The following GSG1L2 variants were observed in gnomAD, a reference collection of about 807,000 sequenced individuals.
The protein encoded by GSG1L2 is GSG1 like 2, also known as germ cell-specific gene 1-like protein 2.
Under a neutral mutation model 9.0 loss-of-function variants are expected in GSG1L2, and 15 were observed. The ratio of observed to expected loss-of-function variants is 1.67; its 90% confidence interval spans 1.12 to 2.57. The LOEUF is 2.57. Ranked by LOEUF, GSG1L2 falls within the 30% of genes most tolerant of loss-of-function variation. The pLI is 0.00. For synonymous variants in GSG1L2, 127 were observed against 57.9 expected (o/e 2.19, Z -5.41); for missense variants, 286 against 150.3 (o/e 1.90, Z -4.72).
intron 1 of GSG1L2, among the ~76,000 whole-genome samples, chr17:9,816,522 C>CTGTGTGTTTGTGTG (rs1491196761): frequency 0.38 from 53,324 of 140,056 alleles, 10,325 homozygotes; most frequent in East Asian, 0.79. Flanking sequence ...GTGTGCGTGT[C>CTGTGTGTTTGTGTG]TGTGTCTCTG....
chr17:9,813,460 C>T (rs942636061), intron 1 of GSG1L2, among the ~76,000 whole-genome samples: 2 of 152,228 alleles, frequency 1.3e-5, no homozygotes, highest in African/African-American at 4.8e-5. Context: ...CCTGTCAGTC[C>T]ATGGGCAGCC....
chr17:9,813,031 G>T lies in GSG1L2; in HGVS notation c.311-2413C>A, dbSNP rs368830101. Reference sequence around the variant, plus strand: ...CTCATGACCTAATCACCACGCAAAGGCCCCCACCTCCTAATACCATTACAT... The same window carrying T: ...CTCATGACCTAATCACCACGCAAAGTCCCCCACCTCCTAATACCATTACAT... On this transcript the variant is annotated intron_variant, in intron 1 of 4. Coordinates refer to ENST00000399363, the MANE Select transcript of GSG1L2 (RefSeq NM_001310219.2). Among the ~76,000 whole-genome samples the T allele has an allele frequency of 5.1e-4, 78 of 152,188 alleles. 1 individual carries two copies. In the South Asian group the frequency reaches 0.015, roughly 28 times the overall value.
In GSG1L2 at chr17:9,802,532, G is replaced by C; in HGVS notation, c.736C>G (p.Arg246Gly). The change falls in exon 5 of 5, where the codon CGG becomes GGG. Residue 246 changes from arginine (R) to glycine (G), a missense_variant. By Grantham distance (125) the Arg-to-Gly change is moderately radical (BLOSUM62 -2). Transcript: ENST00000399363. ...TCCAGGAAGCTGTGTTGAGAGTGCCGACTGCCGTTCTGTGCCTGCTGCTTC... is the reference window on the plus strand; with the variant it reads ...TCCAGGAAGCTGTGTTGAGAGTGCCCACTGCCGTTCTGTGCCTGCTGCTTC... Reference protein sequence around the residue: ...TEKQQAQNGSRHSQHSFLEPE... With the variant: ...TEKQQAQNGSGHSQHSFLEPE... 7.1e-6 allele frequency: 5 copies of C among 702,590 alleles called. No homozygotes were observed. The highest frequency in any genetic ancestry group is 1.0e-5 in the Non-Finnish European group (4 of 384,922). 43.5% of individuals were successfully genotyped at this position (702,590 alleles called of 1,614,324 possible). A position where few individuals can be genotyped will look rare whatever the true frequency, so the allele number is the denominator to read the frequency against.
At chr17:9,816,526 G>GTGTGTGTGTGTC (rs2066562645) in intron 1 of GSG1L2, among the ~76,000 whole-genome samples, 2 of 150,172 alleles carry the variant, frequency 1.3e-5, no homozygotes, top group African/African-American at 4.9e-5. Context: ...GCGTGTCTGT[G>GTGTGTGTGTGTC]TCTCTGTGTG....
intron 1 of GSG1L2, among the ~76,000 whole-genome samples, chr17:9,818,987 A>G (rs759278717): frequency 1.3e-5 from 2 of 152,144 alleles, no homozygotes; most frequent in Non-Finnish European, 2.9e-5. Flanking sequence ...TGACAAGGAA[A>G]TGACTGTCAG....
chr17:9,810,244 C>G (rs2066533919), intron 2 of GSG1L2: 1 of 405,940 alleles, frequency 2.5e-6, no homozygotes, highest in African/African-American at 2.0e-5. Flanking sequence ...AAGCTTATCT[C>G]AGAGCTCTGT....
intron 1 of GSG1L2, among the ~76,000 whole-genome samples, chr17:9,816,664 CGTGTGTGTCTGTGTGT>C (rs1567711380): frequency 3.0e-5 from 4 of 132,256 alleles, no homozygotes; most frequent in African/African-American, 8.5e-5. Context: ...TCTGTGTGTG[CGTGTGTGTCTGTGTGT>C]GTGTGTCTGT....
In GSG1L2 at chr17:9,801,041, AT is replaced by A. The variant is rs909060080; in HGVS notation, c.*1344del. ...CGAAGGTAGCTGGATTTTTTTTTTC[AT>A]TTTTTTTATGACAGTATAAGTGTTA... On this transcript the variant is annotated 3_prime_UTR_variant, in exon 5 of 5. Transcript: ENST00000399363. Among the ~76,000 whole-genome samples the A allele has an allele frequency of 6.6e-5, 10 of 151,558 alleles. No homozygotes were observed. Among genetic ancestry groups the A allele is most frequent in the South Asian group, 2.1e-4 (1 of 4,782 alleles).
intron 1 of GSG1L2, among the ~76,000 whole-genome samples, chr17:9,815,966 T>C (rs1006945348): frequency 1.3e-5 from 2 of 152,056 alleles, no homozygotes; most frequent in African/African-American, 4.8e-5. Flanking sequence ...ACTAGTGGTT[T>C]TGTAGGAAGA....
At chr17:9,816,803 G>A (rs966997175) in intron 1 of GSG1L2, among the ~76,000 whole-genome samples, 2 of 150,016 alleles carry the variant, frequency 1.3e-5, no homozygotes, top group African/African-American at 5.0e-5. Context: ...ATCTGTGTAT[G>A]TGTGTCTGTT....
intron 4 of GSG1L2, among the ~76,000 whole-genome samples, chr17:9,806,202 C>T (rs909127161): frequency 6.6e-6 from 1 of 152,146 alleles, no homozygotes; most frequent in African/African-American, 2.4e-5. Context: ...TGCCTTAGAC[C>T]ACCCTGCTTC....
intron 1 of GSG1L2, among the ~76,000 whole-genome samples, chr17:9,819,618 G>C (rs2066580924): frequency 6.6e-6 from 1 of 151,952 alleles, no homozygotes; most frequent in Non-Finnish European, 1.5e-5. Context: ...ATATCACCTT[G>C]GTTAAAACTT....
chr17:9,818,166 T>C (rs1233725197), intron 1 of GSG1L2, among the ~76,000 whole-genome samples: 1 of 152,150 alleles, frequency 6.6e-6, no homozygotes, highest in Non-Finnish European at 1.5e-5. Flanking sequence ...TTCTGCTGGC[T>C]GTTCGGGAAG....
chr17:9,811,979 G>GTCACTTA (rs55847131), intron 1 of GSG1L2, among the ~76,000 whole-genome samples: 18,376 of 151,686 alleles, frequency 0.12, 1,206 homozygotes, highest in East Asian at 0.23. Context: ...CCAACCAATA[G>GTCACTTA]TCACTTATCA....
rs2066493508 is a variant in GSG1L2 at position 9,800,734 on chromosome 17, C to T, written c.*1652G>A. 6.6e-6 allele frequency among the ~76,000 whole-genome samples: 1 copy of T among 152,184 alleles called. No individual in the cohort carries two copies. Among genetic ancestry groups the T allele is most frequent in the Admixed American group, 6.5e-5 (1 of 15,278 alleles). On this transcript the variant is annotated 3_prime_UTR_variant, in exon 5 of 5. Coordinates refer to ENST00000399363, the MANE Select transcript of GSG1L2 (RefSeq NM_001310219.2). ...CATTCCCTGTAAGATGAGACTTTGACCTGATATCGTGACAGTCACACAGGA... is the reference window on the plus strand; with the variant it reads ...CATTCCCTGTAAGATGAGACTTTGATCTGATATCGTGACAGTCACACAGGA...
At position 9,820,612 on chromosome 17, in the gene GSG1L2, A is replaced by G. The variant is rs1466514485; in HGVS notation, c.310+1150T>C. Among the ~76,000 whole-genome samples, 7 of 151,174 alleles carry G rather than the reference A, an allele frequency of 4.6e-5. No individual in the cohort carries two copies. Among genetic ancestry groups the G allele is most frequent in the Admixed American group, 4.6e-4 (7 of 15,154 alleles). On this transcript the variant is annotated intron_variant, in intron 1 of 4. Coordinates refer to ENST00000399363, the MANE Select transcript of GSG1L2 (RefSeq NM_001310219.2). This position sits in a 1 kb window ranked among gnomAD's most constrained non-coding sequence, Gnocchi z 4.9. ...TGGGTACTGCCCCACATTGGCCACC[A>G]CTGGGAGAGAGGGTGGAAGGGAGGG...
chr17:9,816,471 C>CGT (rs1317683240), intron 1 of GSG1L2, among the ~76,000 whole-genome samples: 2 of 71,852 alleles, frequency 2.8e-5, no homozygotes, highest in Admixed American at 3.5e-4. Flanking sequence ...CGTCCGTGTG[C>CGT]GTGTCTGTGT....
chr17:9,809,044 C>T, intron 2 of GSG1L2, 62 bp from the exon 3 acceptor site: 1 of 688,620 alleles, frequency 1.5e-6, no homozygotes. Context: ...CTAAAATGTT[C>T]AATCCTTTGA....
intron 1 of GSG1L2, among the ~76,000 whole-genome samples, chr17:9,817,479 CA>C (rs1320940889): frequency 4.0e-5 from 6 of 149,122 alleles, no homozygotes; most frequent in African/African-American, 1.5e-4. Flanking sequence ...GGCTGGAGTA[CA>C]GTGGTGCGAT....
Sources: allele counts gnomAD v4.1 joint callset (sites outside exome capture counted in the v4.1 genomes callset), GRCh38; gene constraint gnomAD v4.1.1; non-coding constraint Gnocchi (gnomAD v3.1); transcripts MANE v1.5; gene names NCBI Gene and HGNC (gene_info 2026-07-23, HGNC 2026-07-21).